The following POU6F2 variants were observed in gnomAD, a reference collection of about 807,000 sequenced individuals.
The protein encoded by POU6F2 is POU class 6 homeobox 2.
POU6F2 carries 31 observed loss-of-function variants against 71.3 expected under a neutral mutation model. The ratio of observed to expected loss-of-function variants is 0.43; its 90% CI spans 0.33 to 0.59. The LOEUF (loss-of-function observed/expected upper bound fraction) is 0.59. Ranked by LOEUF, POU6F2 falls within the 20% of genes least tolerant of loss-of-function variation. The probability of loss-of-function intolerance (pLI) is 0.04; values close to 1 mark genes in which losing one functional copy is unlikely to be tolerated. For missense variants in POU6F2, 783 were observed against 856.8 expected, an observed-to-expected ratio of 0.91 and a Z score of 1.07; for synonymous variants, 347 against 355.7, an observed-to-expected ratio of 0.98 and a Z score of 0.27.
chr7:39,448,221 ATCTGGGCTGAT>A (rs912880538), intron 7 of POU6F2, among the ~76,000 whole-genome samples: 1 of 152,188 alleles, frequency 6.6e-6, no homozygotes, highest in Non-Finnish European at 1.5e-5. Context: ...AGAGGTCAGT[ATCTGGGCTGAT>A]TTTGACATGT....
At chr7:39,292,134 G>A (rs1261217413) in intron 4 of POU6F2, among the ~76,000 whole-genome samples, 2 of 152,096 alleles carry the variant, frequency 1.3e-5, no homozygotes, top group East Asian at 1.9e-4. Context: ...TTTTTATGTG[G>A]CTGACCAAAA....
chr7:39,195,206 G>C (rs1793760931), intron 2 of POU6F2, among the ~76,000 whole-genome samples: 2 of 152,056 alleles, frequency 1.3e-5, no homozygotes, highest in African/African-American at 2.4e-5. Context: ...ATCTGGGCAG[G>C]TCCACGGTCT....
At chr7:38,996,928 T>A (rs1187470921) in intron 1 of POU6F2, among the ~76,000 whole-genome samples, 2 of 152,236 alleles carry the variant, frequency 1.3e-5, no homozygotes, top group Admixed American at 6.5e-5. Context: ...AATCTCTTTA[T>A]CCAGTCTTGC....
chr7:39,450,386 A>T (rs531254132), intron 7 of POU6F2, among the ~76,000 whole-genome samples: 1 of 152,298 alleles, frequency 6.6e-6, no homozygotes, highest in South Asian at 2.1e-4. Flanking sequence ...GCTACATCCA[A>T]TCAACAAAGA....
intron 2 of POU6F2, among the ~76,000 whole-genome samples, chr7:39,106,249 A>AT (rs1791684496): frequency 1.3e-5 from 2 of 152,220 alleles, no homozygotes; most frequent in Non-Finnish European, 2.9e-5. Flanking sequence ...GGATCTGGCT[A>AT]TTAGACCTAA....
chr7:39,110,795 A>G (rs1019091857), intron 2 of POU6F2, among the ~76,000 whole-genome samples: 2 of 152,170 alleles, frequency 1.3e-5, no homozygotes, highest in Non-Finnish European at 2.9e-5. Flanking sequence ...TTTCACTTTT[A>G]TCTTGTTGAC....
intron 4 of POU6F2, among the ~76,000 whole-genome samples, chr7:39,337,923 T>C (rs1785814063): frequency 6.6e-6 from 1 of 152,204 alleles, no homozygotes; most frequent in African/African-American, 2.4e-5. Context: ...CCAAGGCTCA[T>C]TAGTAGGTTA....
In POU6F2 at chr7:39,433,134, G is replaced by A. The variant is rs535259814; in HGVS notation, c.1171G>A (p.Gly391Ser). 4.6e-5 allele frequency: 75 copies of A among 1,613,510 alleles called. 2 individuals are homozygous for A. The East Asian group carries it at 5.1e-4, about 11-fold the overall frequency. The change falls in exon 7 of 10, where the codon GGC becomes AGC. Residue 391 changes from glycine to serine, a missense_variant. Gly to Ser is a moderately conservative substitution (Grantham distance 56, BLOSUM62 0). This residue lies in a region of POU6F2 where 572 missense variants were observed against 572.9 expected (regional missense o/e 1.00). Transcript: ENST00000518318. The stretch of plus-strand genomic sequence containing the variant: ...AGGGCCATCGAGCCAAGCAGCAAGC[G>A]GCACTCAGGGCTTGCAAGTGCAGCC... ...NPGPSSQAAS[G>S]TQGLQVQPIT...
At chr7:38,978,950 C>T (rs113022008) in intron 1 of POU6F2, among the ~76,000 whole-genome samples, 2 of 151,946 alleles carry the variant, frequency 1.3e-5, no homozygotes, top group Admixed American at 1.3e-4. Context: ...AATCAGAAAA[C>T]GAAAAGGATC....
At chr7:39,037,103 G>C (rs1790082824) in intron 1 of POU6F2, among the ~76,000 whole-genome samples, 1 of 151,976 alleles carries the variant, frequency 6.6e-6, no homozygotes, top group Admixed American at 6.6e-5. Flanking sequence ...TAAAGACCCT[G>C]AGGCCTTTTG....
chr7:39,067,561 A>G (rs1790784326), intron 1 of POU6F2, among the ~76,000 whole-genome samples: 2 of 152,078 alleles, frequency 1.3e-5, no homozygotes, highest in Admixed American at 1.3e-4. Flanking sequence ...TTTAATTTTC[A>G]CTAATCTCAA....
chr7:39,271,134 C>T lies in POU6F2; in HGVS notation c.598+63514C>T, dbSNP rs374068226. On this transcript the variant is annotated intron_variant, in intron 4 of 9. Coordinates refer to ENST00000518318, the MANE Select transcript of POU6F2 (RefSeq NM_001370959.1). ...CCACCTATTATTGTATACCTGTGAG[C>T]TAAGAATGGTTTTTACATTTTTAAA... Among the ~76,000 whole-genome samples the T allele has an allele frequency of 9.2e-5, 14 of 152,242 alleles. No individual in the cohort carries two copies. In the South Asian group the frequency reaches 2.9e-3, roughly 32 times the overall value.
intron 1 of POU6F2, among the ~76,000 whole-genome samples, chr7:39,043,442 G>A (rs547794543): frequency 2.6e-5 from 4 of 152,076 alleles, no homozygotes; most frequent in East Asian, 1.9e-4. Context: ...TACTCATTTA[G>A]GGAAGTGAAG....
chr7:39,373,946 G>T (rs1353668583), intron 5 of POU6F2, among the ~76,000 whole-genome samples: 1 of 152,050 alleles, frequency 6.6e-6, no homozygotes, highest in Non-Finnish European at 1.5e-5. Context: ...CTTTGATAAA[G>T]ATTTGCCACC....
chr7:39,087,142 T>TGC (rs1290434588), intron 2 of POU6F2, among the ~76,000 whole-genome samples: 10 of 94,834 alleles, frequency 1.1e-4, no homozygotes, highest in African/African-American at 5.3e-4. Context: ...AACACAGGCT[T>TGC]TATTAATTAA....
intron 2 of POU6F2, among the ~76,000 whole-genome samples, chr7:39,141,191 C>T (rs560886761): frequency 5.5e-4 from 84 of 152,152 alleles, no homozygotes; most frequent in African/African-American, 1.8e-3. Context: ...AGAATGAGAG[C>T]GCATAAAAGC....
intron 2 of POU6F2, among the ~76,000 whole-genome samples, chr7:39,088,161 C>T (rs952078846): frequency 1.3e-5 from 2 of 151,950 alleles, no homozygotes; most frequent in African/African-American, 4.8e-5. Context: ...TGAGAATTTC[C>T]CAGTTTCCAA....
intron 2 of POU6F2, among the ~76,000 whole-genome samples, chr7:39,117,633 C>T (rs1052387858): frequency 2.7e-4 from 41 of 152,142 alleles, no homozygotes; most frequent in African/African-American, 8.9e-4. Flanking sequence ...GAGGAGAAGC[C>T]GACAAGAGGG....
At chr7:39,362,283 A>AGG (rs1786404472) in intron 5 of POU6F2, among the ~76,000 whole-genome samples, 1 of 97,674 alleles carries the variant, frequency 1.0e-5, no homozygotes, top group Non-Finnish European at 2.3e-5. Flanking sequence ...AATGGCCAGA[A>AGG]AAAAAAAAAA....
Sources: gnomAD v4.1 joint callset for allele counts (sites outside exome capture counted in the v4.1 genomes callset) on GRCh38, gnomAD v4.1.1 for gene constraint, gnomAD v4.1.1 regional missense constraint, MANE v1.5 for transcripts, NCBI Gene and HGNC (gene_info 2026-07-23, HGNC 2026-07-21) for gene names.